AKR1C8: variants seen among roughly 807,000 people sequenced by gnomAD.
AKR1C8 encodes the protein aldo-keto reductase family 1 member C8, also known as aldo-keto reductase family 1 member C-like protein 1.
chr10:5,116,112 A>T, the AKR1C8 span, among the ~76,000 whole-genome samples: 1 of 152,140 alleles, frequency 6.6e-6, no homozygotes, highest in Non-Finnish European at 1.5e-5. Context: ...TTAATCACAC[A>T]GCATGGTAAT....
the AKR1C8 span, among the ~76,000 whole-genome samples, chr10:5,127,272 A>G: frequency 6.6e-6 from 1 of 152,210 alleles, no homozygotes; most frequent in African/African-American, 2.4e-5. Context: ...TAGATATCAC[A>G]AAGAAAAACC....
At chr10:5,165,812 A>G in the AKR1C8 span, among the ~76,000 whole-genome samples, 1 of 152,128 alleles carries the variant, frequency 6.6e-6, no homozygotes, top group Non-Finnish European at 1.5e-5. Context: ...CTACTGTACA[A>G]TGTCTCCCAG....
chr10:5,132,726 T>A, the AKR1C8 span: 1 of 1,552,642 alleles, frequency 6.4e-7, no homozygotes, highest in Non-Finnish European at 8.9e-7. Flanking sequence ...GAAACCAGCT[T>A]CTATTGCTAA....
chr10:5,140,726 A>G, the AKR1C8 span, among the ~76,000 whole-genome samples: 1 of 151,952 alleles, frequency 6.6e-6, no homozygotes, highest in African/African-American at 2.4e-5. Flanking sequence ...CTGCAAACCA[A>G]CATGGCACAT....
the AKR1C8 span, among the ~76,000 whole-genome samples, chr10:5,173,204 T>TG: frequency 7.9e-5 from 12 of 151,890 alleles, no homozygotes; most frequent in Non-Finnish European, 1.3e-4. Context: ...TTCAGTTAAC[T>TG]GGGAAAAAAA....
chr10:5,168,139 T>C, the AKR1C8 span, among the ~76,000 whole-genome samples: 5 of 152,086 alleles, frequency 3.3e-5, no homozygotes, highest in South Asian at 2.1e-4. Context: ...AACAACTAGA[T>C]CTTTCCTGCA....
chr10:5,145,879 C>G, the AKR1C8 span, among the ~76,000 whole-genome samples: 1 of 152,168 alleles, frequency 6.6e-6, no homozygotes, highest in African/African-American at 2.4e-5. Context: ...AATCATGCTG[C>G]TATAAAGACA....
chr10:5,184,904 G>A, the AKR1C8 span: 1 of 387,936 alleles, frequency 2.6e-6, no homozygotes, highest in African/African-American at 2.1e-5. Flanking sequence ...AATCCCAGAT[G>A]AGCCCTTCCA....
At chr10:5,122,404 C>T in the AKR1C8 span, among the ~76,000 whole-genome samples, 4 of 152,116 alleles carry the variant, frequency 2.6e-5, no homozygotes, top group African/African-American at 9.7e-5. Context: ...ACTCATCAAT[C>T]TAAAATATTT....
At chr10:5,131,243 A>G in the AKR1C8 span, among the ~76,000 whole-genome samples, 1 of 152,130 alleles carries the variant, frequency 6.6e-6, no homozygotes, top group East Asian at 1.9e-4. Context: ...ATAACATTGG[A>G]AAAACTCTTC....
chr10:5,155,669 A>G, the AKR1C8 span: 1 of 467,984 alleles, frequency 2.1e-6, no homozygotes, highest in Non-Finnish European at 4.4e-6. Flanking sequence ...TACAAGCATC[A>G]CTTACAATTG....
the AKR1C8 span, among the ~76,000 whole-genome samples, chr10:5,159,569 T>C: frequency 5.3e-5 from 8 of 152,030 alleles, no homozygotes; most frequent in African/African-American, 1.9e-4. Context: ...TGTCTGTGAG[T>C]TTAGTTACCA....
chr10:5,134,367 C>G, the AKR1C8 span, among the ~76,000 whole-genome samples: 1 of 152,124 alleles, frequency 6.6e-6, no homozygotes, highest in South Asian at 2.1e-4. Flanking sequence ...TTTTATATGA[C>G]TAGTCCTTAT....
At chr10:5,151,268 C>T in the AKR1C8 span, among the ~76,000 whole-genome samples, 1 of 152,290 alleles carries the variant, frequency 6.6e-6, no homozygotes, top group South Asian at 2.1e-4. Flanking sequence ...TAGCCTCCAG[C>T]CGCATGACTC....
At chr10:5,143,331 C>T in the AKR1C8 span, among the ~76,000 whole-genome samples, 1 of 152,094 alleles carries the variant, frequency 6.6e-6, no homozygotes, top group Non-Finnish European at 1.5e-5. Flanking sequence ...TGCCTTCTAC[C>T]CCTGGACGTC....
the AKR1C8 span, chr10:5,132,709 T>C: frequency 1.9e-6 from 3 of 1,580,790 alleles, no homozygotes; most frequent in South Asian, 2.2e-5. Context: ...GCAGAATCAA[T>C]ATGGAAGAAA....
the AKR1C8 span, among the ~76,000 whole-genome samples, chr10:5,140,618 C>A: frequency 7.0e-6 from 1 of 143,706 alleles, no homozygotes; most frequent in African/African-American, 2.6e-5. Flanking sequence ...GGACACAGGG[C>A]GGGAAACATC....
At chr10:5,153,381 G>C in the AKR1C8 span, among the ~76,000 whole-genome samples, 1 of 152,102 alleles carries the variant, frequency 6.6e-6, no homozygotes, top group South Asian at 2.1e-4. Flanking sequence ...ATAGTTGCTT[G>C]CTTGGAAAAA....
the AKR1C8 span, chr10:5,123,923 G>A: frequency 3.6e-5 from 44 of 1,226,380 alleles, no homozygotes; most frequent in Non-Finnish European, 4.8e-5. Flanking sequence ...AATATGTGTA[G>A]CATCAAATTT....
Sources: allele counts gnomAD v4.1 joint callset (sites outside exome capture counted in the v4.1 genomes callset), GRCh38; gene constraint gnomAD v4.1.1; transcripts MANE v1.5; gene names NCBI Gene and HGNC (gene_info 2026-07-23, HGNC 2026-07-21).